Variants in PGA5 observed in about 807,000 individuals in gnomAD.
PGA5 encodes pepsin A-5.
Under a neutral mutation model 15.9 loss-of-function variants are expected in PGA5, and 19 were observed. The observed-to-expected ratio is 1.19, with a 90% CI of 0.83 to 1.75. The LOEUF is 1.75. Among genes scored for constraint, PGA5 ranks in the 40% most tolerant of loss-of-function variants. The pLI, the probability that PGA5 is intolerant of heterozygous loss-of-function variation, is 0.00. For synonymous variants in PGA5, 92 were observed against 95.8 expected (o/e 0.96, Z 0.23); for missense variants, 224 against 246.4 (o/e 0.91, Z 0.61).
At chr11:61,248,233 T>C (rs762485661) in intron 5 of PGA5, 186 bp from the exon 6 acceptor site, 3 of 1,419,612 alleles carry the variant, frequency 2.1e-6, no homozygotes, top group Non-Finnish European at 3.0e-6. Context: ...TCATGGTAAG[T>C]GGAAACAACA....
At chr11:61,249,283 G>A (rs970779896) in intron 6 of PGA5, 1 of 381,618 alleles carries the variant, frequency 2.6e-6, no homozygotes, top group Non-Finnish European at 5.0e-6. Context: ...GCATTCCTGG[G>A]TGTCTGTTCC....
chr11:61,247,181 C>T (rs1343333144), intron 5 of PGA5, among the ~76,000 whole-genome samples: 5 of 151,862 alleles, frequency 3.3e-5, no homozygotes. Flanking sequence ...TAGGTCCTCA[C>T]TATATTGCCT....
At chr11:61,246,203 C>A in intron 5 of PGA5, 58 bp downstream of exon 5, 1 of 305,182 alleles carries the variant, frequency 3.3e-6, no homozygotes, top group East Asian at 8.4e-5. Flanking sequence ...CACAGTGTTC[C>A]TGCCCAGCAG....
chr11:61,249,378 GC>G, intron 6 of PGA5: 1 of 546,614 alleles, frequency 1.8e-6, no homozygotes, highest in South Asian at 2.0e-5. Context: ...TTGCCCTTCT[GC>G]CAACATAACT....
chr11:61,249,845 C>T (rs775337492), intron 7 of PGA5, 32 bp downstream of exon 7: 1 of 1,613,762 alleles, frequency 6.2e-7, no homozygotes, highest in East Asian at 2.2e-5. Context: ...CTGTTCTACA[C>T]TCAAGTAGTG....
In PGA5 at chr11:61,249,811, G is replaced by C. The variant is rs763566302; in HGVS notation, c.916G>C (p.Asp306His). The stretch of plus-strand genomic sequence containing the variant: ...CGGAGCCAGCGAGAACTCAGATGGC[G>C]ACGTGAGTCCAGCCCCGACTGCCCT... ...DIGASENSDG[D>H]MVVSCSAISS... is the part of the protein sequence containing the mutation. The change falls in exon 7 of 9, where the codon GAC becomes CAC. Residue 306 changes from aspartate to histidine, a missense_variant and splice_region_variant. Asp to His is a moderately conservative substitution (Grantham distance 81, BLOSUM62 -1). Transcript: ENST00000312403. 11 of 1,613,660 alleles carry C rather than the reference G, an allele frequency of 6.8e-6. No homozygotes were observed. In the Admixed American group the frequency reaches 8.3e-5, roughly 12 times the overall value.
intron 5 of PGA5, 29 bp from the exon 6 acceptor site, chr11:61,248,390 T>G: frequency 6.2e-7 from 1 of 1,613,786 alleles, no homozygotes; most frequent in South Asian, 1.1e-5. Flanking sequence ...AACAAAAAAA[T>G]TCATGTCTTC....
intron 8 of PGA5, among the ~76,000 whole-genome samples, 155 bp downstream of exon 8, chr11:61,250,169 T>A (rs1854120925): frequency 6.6e-6 from 1 of 151,274 alleles, no homozygotes; most frequent in African/African-American, 2.5e-5. Flanking sequence ...AAAAAGAATA[T>A]ATTAAAAACA....
intron 5 of PGA5, among the ~76,000 whole-genome samples, chr11:61,247,185 A>G (rs1379562047): frequency 6.6e-6 from 1 of 151,384 alleles, no homozygotes; most frequent in African/African-American, 2.4e-5. Context: ...TCCTCACTAT[A>G]TTGCCTTGCA....
At chr11:61,246,679 G>A (rs1019730277) in intron 5 of PGA5, among the ~76,000 whole-genome samples, 4 of 151,880 alleles carry the variant, frequency 2.6e-5, no homozygotes, top group Non-Finnish European at 5.9e-5. Flanking sequence ...AGGGAGAATC[G>A]CTTGAGCCTG....
rs901562521 is a variant in PGA5 at position 61,247,811 on chromosome 11, C to T, written c.657-608C>T. ...GGCCATTGTATCTCCCCAGCCAGAT[C>T]CGAGTTTCTCAATCTGGGCACTGTT... On this transcript the variant is annotated intron_variant, in intron 5 of 8. Transcript: ENST00000312403. 6.6e-5 allele frequency among the ~76,000 whole-genome samples: 10 copies of T among 151,982 alleles called. 1 individual carries two copies. The highest frequency in any genetic ancestry group is 3.9e-4 in the Admixed American group (6 of 15,272).
Position 61,249,912 on chromosome 11 carries a change from C to T in PGA5, c.919-4C>T, listed in dbSNP as rs1296346695. The T allele has an allele frequency of 1.2e-6, 2 of 1,613,598 alleles. No individual in the cohort carries two copies. Among genetic ancestry groups the T allele is most frequent in the Non-Finnish European group, 1.7e-6 (2 of 1,179,866 alleles). On this transcript the variant is annotated splice_polypyrimidine_tract_variant and splice_region_variant and intron_variant, in intron 7 of 8. Coordinates refer to ENST00000312403, the MANE Select transcript of PGA5 (RefSeq NM_014224.5). ...CTAACTTTTCTCACCCTCACTCTTT[C>T]CAGATGGTGGTCAGCTGCTCAGCCA...
chr11:61,246,670 G>C (rs1854068857), intron 5 of PGA5, among the ~76,000 whole-genome samples: 2 of 151,984 alleles, frequency 1.3e-5, no homozygotes, highest in Non-Finnish European at 2.9e-5. Flanking sequence ...GGCTGAGGCA[G>C]GGAGAATCGC....
intron 5 of PGA5, among the ~76,000 whole-genome samples, 155 bp downstream of exon 5, chr11:61,246,300 T>C (rs1437415978): frequency 5.6e-5 from 8 of 142,762 alleles, no homozygotes; most frequent in Non-Finnish European, 1.1e-4. Context: ...AAGTGTGTCT[T>C]TGGAGAGTAA....
rs779662015 is a variant in PGA5 at position 61,248,516 on chromosome 11, T to C, written c.754T>C (p.Trp252Arg). 7.5e-5 allele frequency: 121 copies of C among 1,612,608 alleles called. No individual in the cohort carries two copies. Among genetic ancestry groups the C allele is most frequent in the Non-Finnish European group, 9.6e-5 (113 of 1,179,850 alleles). ...GGTGCCTGTTACCGTCGAGGGTTAC[T>C]GGCAGATCACCGTGGACAGGTGAGA... The part of the protein sequence containing the change: ...NWVPVTVEGY[W>R]QITVDSITMN... The change falls in exon 6 of 9, where the codon TGG becomes CGG. Residue 252 changes from tryptophan to arginine, a missense_variant. Trp to Arg is a moderately radical substitution (Grantham distance 101). Coordinates refer to ENST00000312403, the MANE Select transcript of PGA5 (RefSeq NM_014224.5).
At chr11:61,250,108 G>A (rs1224279667) in intron 8 of PGA5, 94 bp downstream of exon 8, 1 of 1,503,434 alleles carries the variant, frequency 6.7e-7, no homozygotes, top group Non-Finnish European at 9.0e-7. Context: ...TCCACGAGCT[G>A]AAGCCAGCAG....
In PGA5 at chr11:61,251,229, T is replaced by G. The variant is rs1216049768; in HGVS notation, c.1115T>G (p.Phe372Cys). The change falls in exon 9 of 9, where the codon TTT (phenylalanine) becomes TGT (cysteine). Residue 372 changes from phenylalanine to cysteine, a missense_variant. Transcript: ENST00000312403. The part of the protein sequence containing the change: ...ILGDVFIRQY[F>C]TVFDRANNQV... Reference sequence around the variant, plus strand: ...GGTGATGTCTTCATCCGCCAGTACTTTACCGTCTTCGACAGGGCAAACAAC... The same window carrying G: ...GGTGATGTCTTCATCCGCCAGTACTGTACCGTCTTCGACAGGGCAAACAAC... The G allele has an allele frequency of 1.2e-6, 2 of 1,611,736 alleles. No individual in the cohort carries two copies. Among genetic ancestry groups the G allele is most frequent in the Non-Finnish European group, 1.7e-6 (2 of 1,179,848 alleles).
chr11:61,249,466 GC>G, intron 6 of PGA5: 6 of 1,045,036 alleles, frequency 5.7e-6, no homozygotes, highest in Non-Finnish European at 8.2e-6. Flanking sequence ...CGTTTCCCAT[GC>G]CTGGCAGAGG....
Position 61,249,530 on chromosome 11 carries a change from C to T in PGA5, c.774-139C>T, listed in dbSNP as rs546082892. On this transcript the variant is annotated intron_variant, in intron 6 of 8. Transcript: ENST00000312403. ...TAAATGAATGCGGGATGAATGAGTGCGTGAACGAGAGGAACAGAAATTTCA... is the reference window on the plus strand; with the variant it reads ...TAAATGAATGCGGGATGAATGAGTGTGTGAACGAGAGGAACAGAAATTTCA... 5.2e-5 allele frequency: 76 copies of T among 1,474,718 alleles called. 2 individuals are homozygous for T. Among genetic ancestry groups the T allele is most frequent in the African/African-American group, 4.8e-4 (34 of 71,368 alleles). 91.4% of individuals were successfully genotyped at this position (1,474,718 alleles called of 1,614,324 possible).
Sources: gnomAD v4.1 joint callset for allele counts (sites outside exome capture counted in the v4.1 genomes callset) on GRCh38, gnomAD v4.1.1 for gene constraint, MANE v1.5 for transcripts, NCBI Gene and HGNC (gene_info 2026-07-23, HGNC 2026-07-21) for gene names.